Variants in PCDHA11 observed in about 807,000 individuals in gnomAD.
PCDHA11 encodes protocadherin alpha 11, also known as protocadherin alpha-11.
A neutral mutation model predicts 70.3 loss-of-function variants in PCDHA11; 61 were observed. That is an observed-to-expected ratio of 0.87 (90% CI 0.71 to 1.07). PCDHA11 has a LOEUF of 1.07. Among genes scored for constraint, PCDHA11 ranks in the 50% least tolerant of loss-of-function variants. The probability of loss-of-function intolerance (pLI) is 0.00; values close to 1 mark genes in which losing one functional copy is unlikely to be tolerated. For synonymous variants in PCDHA11, 633 were observed against 555.1 expected (o/e 1.14, Z -1.97); for missense variants, 1,324 against 1,237.5 (o/e 1.07, Z -1.05).
At chr5:140,876,616 A>C (rs2056459535) in intron 1 of PCDHA11, 1 of 1,614,196 alleles carries the variant, frequency 6.2e-7, no homozygotes, top group Non-Finnish European at 8.5e-7. Flanking sequence ...CTCTGGAGCC[A>C]ATGGACAGGT....
chr5:140,875,694 T>C, intron 1 of PCDHA11: 1 of 1,614,008 alleles, frequency 6.2e-7, no homozygotes, highest in South Asian at 1.1e-5. Flanking sequence ...ACGGGGACCT[T>C]CTGGAGGTAA....
chr5:140,888,355 T>C (rs1192266455), intron 1 of PCDHA11, among the ~76,000 whole-genome samples: 1 of 152,214 alleles, frequency 6.6e-6, no homozygotes, highest in Non-Finnish European at 1.5e-5. Context: ...GAATTGCTAC[T>C]GGCATCTAAT....
intron 1 of PCDHA11, among the ~76,000 whole-genome samples, chr5:140,960,366 ACT>A (rs2095543381): frequency 6.6e-6 from 1 of 152,188 alleles, no homozygotes; most frequent in Non-Finnish European, 1.5e-5. Flanking sequence ...TAATATGCCA[ACT>A]CTTAAGTGCC....
chr5:140,927,280 C>G, intron 1 of PCDHA11: 1 of 1,614,178 alleles, frequency 6.2e-7, no homozygotes, highest in Non-Finnish European at 8.5e-7. Flanking sequence ...CGGCGACGTG[C>G]AGCTGCACAT....
chr5:140,980,317 A>G (rs1435571559), intron 2 of PCDHA11, among the ~76,000 whole-genome samples: 1 of 152,194 alleles, frequency 6.6e-6, no homozygotes, highest in Non-Finnish European at 1.5e-5. Context: ...TAAAAACTAC[A>G]TTTGAAATAA....
At chr5:140,931,947 T>C (rs782000891) in intron 1 of PCDHA11, among the ~76,000 whole-genome samples, 1 of 151,972 alleles carries the variant, frequency 6.6e-6, no homozygotes, top group Non-Finnish European at 1.5e-5. Context: ...GTCTGAGTCT[T>C]ACAGAATCAT....
At chr5:140,931,717 C>G (rs2087694120) in intron 1 of PCDHA11, among the ~76,000 whole-genome samples, 1 of 151,872 alleles carries the variant, frequency 6.6e-6, no homozygotes, top group Admixed American at 6.6e-5. Flanking sequence ...AAAATAACTT[C>G]TATAAATATG....
At chr5:140,891,196 A>C (rs1043715116) in intron 1 of PCDHA11, among the ~76,000 whole-genome samples, 5 of 151,974 alleles carry the variant, frequency 3.3e-5, no homozygotes, top group Non-Finnish European at 7.4e-5. Context: ...GATATTTTGC[A>C]GTTTTACCAT....
At chr5:140,988,851 C>T (rs2097316213) in intron 3 of PCDHA11, 1 of 152,174 alleles carries the variant, frequency 6.6e-6, no homozygotes, top group Admixed American at 6.5e-5. Context: ...TGAAACCTAT[C>T]CAGTCTCATG....
intron 1 of PCDHA11, chr5:140,926,762 C>T: frequency 7.5e-7 from 1 of 1,326,672 alleles, no homozygotes; most frequent in Non-Finnish European, 9.8e-7. Context: ...CGCTGAGTAT[C>T]CAGCCCGCAG....
At chr5:140,874,212 T>C (rs1199574859) in intron 1 of PCDHA11, among the ~76,000 whole-genome samples, 1 of 152,252 alleles carries the variant, frequency 6.6e-6, no homozygotes, top group Non-Finnish European at 1.5e-5. Context: ...TTTATTATTA[T>C]ATGCAGTAGG....
At chr5:140,887,612 G>A (rs2061514716) in intron 1 of PCDHA11, among the ~76,000 whole-genome samples, 1 of 151,760 alleles carries the variant, frequency 6.6e-6, no homozygotes, top group East Asian at 1.9e-4. Flanking sequence ...GCTTTAGTAT[G>A]GTTTTCTTTA....
intron 3 of PCDHA11, among the ~76,000 whole-genome samples, chr5:140,999,166 A>G (rs2097849848): frequency 6.6e-6 from 1 of 152,190 alleles, no homozygotes; most frequent in South Asian, 2.1e-4. Context: ...CTAGAAGGAA[A>G]AGAGCCTGAT....
At chr5:140,987,592 G>A (rs150671243) in intron 3 of PCDHA11, among the ~76,000 whole-genome samples, 29 of 152,290 alleles carry the variant, frequency 1.9e-4, no homozygotes, top group Admixed American at 1.6e-3. Context: ...GAGAATAGTG[G>A]TGTCTACCTT....
intron 1 of PCDHA11, among the ~76,000 whole-genome samples, chr5:140,946,691 G>A (rs782114019): frequency 3.4e-5 from 5 of 147,578 alleles, no homozygotes; most frequent in African/African-American, 5.1e-5. Context: ...TGACAATATG[G>A]ATGAATCTGG....
chr5:140,870,902 C>G lies in PCDHA11; in HGVS notation c.1799C>G (p.Ser600Ter), dbSNP rs2052520790. The G allele has an allele frequency of 6.2e-7, 1 of 1,613,846 alleles. No individual in the cohort carries two copies. ...VAKVRAVDAD[S>*]GYNAWLSYEL... ...AAGGTGCGCGCAGTGGATGCGGACT[C>G]AGGCTACAACGCGTGGCTTTCATAT... The change falls in exon 1 of 4, where the codon TCA (serine) becomes TGA (stop). Residue 600 changes from serine (S) to a stop codon, truncating the protein, a stop_gained. Coordinates refer to ENST00000398640, the MANE Select transcript of PCDHA11 (RefSeq NM_018902.5). LOFTEE classifies it high-confidence loss of function.
At position 140,869,141 on chromosome 5, in the gene PCDHA11, G is replaced by A; in HGVS notation, c.38G>A (p.Arg13Gln). 1 of 1,613,314 alleles carries A rather than the reference G, an allele frequency of 6.2e-7. No individual in the cohort carries two copies. The highest frequency in any genetic ancestry group is 8.5e-7 in the Non-Finnish European group (1 of 1,179,436). Residue 13 changes from arginine to glutamine, a missense_variant, in exon 1 of 4, where the codon CGA becomes CAA. Transcript: ENST00000398640. Reference sequence around the variant, plus strand: ...CAGAGAAGGGGATTGGGCACCCCACGACTACAGCTCTGGCTTCTCCTCCTC... The same window carrying A: ...CAGAGAAGGGGATTGGGCACCCCACAACTACAGCTCTGGCTTCTCCTCCTC... The part of the protein sequence containing the change: ...GFQRRGLGTP[R>Q]LQLWLLLLEF...
intron 1 of PCDHA11, among the ~76,000 whole-genome samples, chr5:140,951,868 G>A (rs1325001328): frequency 2.6e-5 from 4 of 152,132 alleles, no homozygotes; most frequent in African/African-American, 9.7e-5. Flanking sequence ...AGTCTCATCT[G>A]AGACAAGGCA....
At chr5:141,008,382 A>G (rs1458485740) in intron 3 of PCDHA11, among the ~76,000 whole-genome samples, 1 of 152,166 alleles carries the variant, frequency 6.6e-6, no homozygotes, top group African/African-American at 2.4e-5. Flanking sequence ...ATACATAAAC[A>G]TTGCTATGAT....
Sources: gnomAD v4.1 joint callset for allele counts (sites outside exome capture counted in the v4.1 genomes callset) on GRCh38, gnomAD v4.1.1 for gene constraint, MANE v1.5 for transcripts, NCBI Gene and HGNC (gene_info 2026-07-23, HGNC 2026-07-21) for gene names.